Variants in COIL observed in about 807,000 individuals in gnomAD.
COIL encodes coilin p80.
Under a neutral mutation model 51.6 loss-of-function variants are expected in COIL, and 28 were observed. The ratio of observed to expected loss-of-function variants is 0.54; its 90% confidence interval spans 0.40 to 0.74. The LOEUF is 0.74. Among genes scored for constraint, COIL ranks in the 30% least tolerant of loss-of-function variants. COIL has a pLI of 0.00. For missense variants in COIL, 667 were observed against 685.9 expected, an observed-to-expected ratio of 0.97 and a Z score of 0.31; for synonymous variants, 233 against 255.8, an observed-to-expected ratio of 0.91 and a Z score of 0.85.
chr17:56,952,256 A>G, intron 1 of COIL: 1 of 490,554 alleles, frequency 2.0e-6, no homozygotes, highest in Non-Finnish European at 4.0e-6. Context: ...TTTGACGTGC[A>G]ACTCAAAGAT....
In COIL at chr17:56,960,781, C is replaced by A; in HGVS notation, c.239G>T (p.Cys80Phe). 2 of 1,573,108 alleles carry A rather than the reference C, an allele frequency of 1.3e-6. No individual in the cohort carries two copies. The highest frequency in any genetic ancestry group is 1.4e-5 in the African/African-American group (1 of 73,670). ...CGCTCCCTGCGCCGCGCACCTGAGG[C>A]AGTCGTTGTCTCTCACAAGGCGCGC... Reference protein sequence around the residue: ...ESARLVRDNDCLRVKLEERGV... With the variant: ...ESARLVRDNDFLRVKLEERGV... The change falls in exon 1 of 7, where the codon TGC becomes TTC. Residue 80 changes from cysteine (C) to phenylalanine (F), a missense_variant. Transcript: ENST00000240316.
In COIL at chr17:56,950,287, A is replaced by G; in HGVS notation, c.955T>C (p.Ser319Pro). 1 of 1,614,176 alleles carries G rather than the reference A, an allele frequency of 6.2e-7. No individual in the cohort carries two copies. Among genetic ancestry groups the G allele is most frequent in the Non-Finnish European group, 8.5e-7 (1 of 1,180,026 alleles). Residue 319 changes from serine (S) to proline (P), a missense_variant, in exon 2 of 7, where the codon TCT becomes CCT. Physicochemically the swap from Ser to Pro is moderately conservative, Grantham distance 74. Coordinates refer to ENST00000240316, the MANE Select transcript of COIL (RefSeq NM_004645.3). ...TSGTTSSSSD[S>P]SAESDDQCLM... is the part of the protein sequence containing the mutation. ...CATTGGTCGTCTGACTCTGCACTAG[A>G]GTCTGAACTGGAAGATGTTGTTCCA...
chr17:56,953,144 G>C (rs1196231374), intron 1 of COIL, among the ~76,000 whole-genome samples: 3 of 152,002 alleles, frequency 2.0e-5, no homozygotes, highest in South Asian at 2.1e-4. Context: ...GGGCACGGTG[G>C]CTCACGCCTG....
rs2144387897 is a variant in COIL at position 56,939,174 on chromosome 17, A to G, written c.1648-20T>C. 2 of 1,399,824 alleles carry G rather than the reference A, an allele frequency of 1.4e-6. No homozygotes were observed. The highest frequency in any genetic ancestry group is 1.2e-5 in the South Asian group (1 of 86,226). 86.7% of individuals were successfully genotyped at this position (1,399,824 alleles called of 1,614,324 possible). A position where few individuals can be genotyped will look rare whatever the true frequency, so the allele number is the denominator to read the frequency against. On this transcript the variant is annotated intron_variant, in intron 6 of 6. Coordinates refer to ENST00000240316, the MANE Select transcript of COIL (RefSeq NM_004645.3). ...AGTGATCTGAGGAAAAAGACAAAAT[A>G]CCCAGTTTAGGCACTTCATTTTGAG...
At chr17:56,960,726 G>T (rs1286649249) in intron 1 of COIL, 49 bp downstream of exon 1, 20 of 1,320,336 alleles carry the variant, frequency 1.5e-5, no homozygotes, top group Admixed American at 6.2e-5. Context: ...GCGCAGGCGC[G>T]TCCCCCGCCC....
chr17:56,941,435 T>C (rs1910146153), intron 6 of COIL, among the ~76,000 whole-genome samples: 1 of 152,110 alleles, frequency 6.6e-6, no homozygotes, highest in Non-Finnish European at 1.5e-5. Flanking sequence ...CTGGGTGAGG[T>C]GGCAAGCGCC....
chr17:56,944,092 C>A (rs1414071739), intron 5 of COIL, among the ~76,000 whole-genome samples: 1 of 151,778 alleles, frequency 6.6e-6, no homozygotes, highest in Non-Finnish European at 1.5e-5. Context: ...GTCTTGAACT[C>A]CTGGGCTCAA....
intron 1 of COIL, among the ~76,000 whole-genome samples, chr17:56,958,338 C>T (rs1910519832): frequency 6.6e-6 from 1 of 152,194 alleles, no homozygotes. Context: ...AGAATAGAGA[C>T]TATGTGTTCT....
chr17:56,939,766 A>G (rs1189770662), intron 6 of COIL, among the ~76,000 whole-genome samples: 1 of 152,124 alleles, frequency 6.6e-6, no homozygotes, highest in Admixed American at 6.5e-5. Flanking sequence ...AAATAAATAA[A>G]TAACTCATTT....
rs867455984 is a variant in COIL at position 56,953,596 on chromosome 17, A to G, written c.246-2600T>C. Among the ~76,000 whole-genome samples, 7 of 152,226 alleles carry G rather than the reference A, an allele frequency of 4.6e-5. No homozygotes were observed. The Middle Eastern group carries it at 0.01, about 222-fold the overall frequency. On this transcript the variant is annotated intron_variant, in intron 1 of 6. Coordinates refer to ENST00000240316, the MANE Select transcript of COIL (RefSeq NM_004645.3). ...GCATTTACATTCAGCTATATATTTC[A>G]TCAAGTTTTTTCAGTGGCCAGGGAA... is the stretch of plus-strand genomic sequence containing the variant.
intron 5 of COIL, among the ~76,000 whole-genome samples, chr17:56,943,098 T>C (rs1385234399): frequency 6.6e-6 from 1 of 152,202 alleles, no homozygotes; most frequent in African/African-American, 2.4e-5. Flanking sequence ...AAGAAACTTA[T>C]CAGGGGGAGT....
At chr17:56,947,536 T>C (rs1415283613) in intron 4 of COIL, among the ~76,000 whole-genome samples, 1 of 152,154 alleles carries the variant, frequency 6.6e-6, no homozygotes, top group Non-Finnish European at 1.5e-5. Flanking sequence ...AGTGGCATGA[T>C]CTCAGCTCAC....
At chr17:56,953,410 C>CAAAAAAA (rs11382949) in intron 1 of COIL, among the ~76,000 whole-genome samples, 4 of 84,488 alleles carry the variant, frequency 4.7e-5, no homozygotes, top group East Asian at 7.6e-4. Flanking sequence ...GACTCCGTCT[C>CAAAAAAA]AAAAAAAAAA....
chr17:56,939,212 A>C, intron 6 of COIL, 58 bp from the exon 7 acceptor site: 1 of 906,418 alleles, frequency 1.1e-6, no homozygotes, highest in Non-Finnish European at 1.8e-6. Context: ...CATACCGGTT[A>C]ATTCAGCCAC....
intron 6 of COIL, 86 bp downstream of exon 6, chr17:56,941,949 G>T: frequency 2.8e-6 from 3 of 1,071,464 alleles, no homozygotes; most frequent in Non-Finnish European, 4.3e-6. Context: ...CCCAGGGCCT[G>T]TAGTGCAATG....
At chr17:56,956,436 G>A (rs1910485799) in intron 1 of COIL, among the ~76,000 whole-genome samples, 1 of 151,326 alleles carries the variant, frequency 6.6e-6, no homozygotes, top group Non-Finnish European at 1.5e-5. Flanking sequence ...GGGTTTTTTT[G>A]GTAGAATAAG....
intron 4 of COIL, among the ~76,000 whole-genome samples, chr17:56,949,106 G>A (rs1442892972): frequency 1.3e-5 from 2 of 151,928 alleles, no homozygotes; most frequent in Non-Finnish European, 2.9e-5. Context: ...AGATCCTGTC[G>A]CTATTTAAAA....
chr17:56,952,227 T>C (rs1439260624), intron 1 of COIL: 2 of 500,818 alleles, frequency 4.0e-6, no homozygotes, highest in Non-Finnish European at 7.9e-6. Context: ...TAAACAAGTA[T>C]GGAATAATCA....
chr17:56,943,378 T>A (rs1439638701), intron 5 of COIL, among the ~76,000 whole-genome samples: 1 of 152,248 alleles, frequency 6.6e-6, no homozygotes. Flanking sequence ...TCACTGGCAG[T>A]GTCAACATTC....
Sources: allele counts gnomAD v4.1 joint callset (sites outside exome capture counted in the v4.1 genomes callset), GRCh38; gene constraint gnomAD v4.1.1; transcripts MANE v1.5; gene names NCBI Gene and HGNC (gene_info 2026-07-23, HGNC 2026-07-21).